Variants in COL18A1 observed in about 807,000 individuals in gnomAD.
COL18A1 encodes the protein collagen type XVIII alpha 1 chain, also known as collagen alpha-1(XVIII) chain.
In COL18A1, 133 loss-of-function variants were observed where a neutral mutation model predicts 168.0. That is an observed-to-expected ratio of 0.79 (90% confidence interval 0.69 to 0.91). The LOEUF (loss-of-function observed/expected upper bound fraction) is 0.91, where lower values mean the gene tolerates loss of function less well. Among genes scored for constraint, COL18A1 ranks in the 40% least tolerant of loss-of-function variants. COL18A1 has a pLI of 0.00. For synonymous variants in COL18A1, 949 were observed against 809.0 expected, an observed-to-expected ratio of 1.17 and a Z score of -2.94; for missense variants, 2,126 against 1,925.4, an observed-to-expected ratio of 1.10 and a Z score of -1.95.
intron 2 of COL18A1, among the ~76,000 whole-genome samples, chr21:45,441,805 C>G (rs965790869): frequency 6.6e-6 from 1 of 152,248 alleles, no homozygotes; most frequent in African/African-American, 2.4e-5. Context: ...CAGAAAATGT[C>G]CCATGTCCTT....
chr21:45,468,704 G>T lies in COL18A1; in HGVS notation c.569G>T (p.Arg190Leu). Residue 190 changes from arginine to leucine, a missense_variant, in exon 3 of 42, where the codon CGG (arginine) becomes CTG (leucine). By Grantham distance (102) the Arg-to-Leu change is moderately radical (BLOSUM62 -2). Transcript: ENST00000651438. ...GAGTTCCAGAGAATGCCGCTTGCTC[G>T]GTCCTCACGGGGCCTGGAGCTGGAG... ...CEEFQRMPLA[R>L]SSRGLELEPG... The T allele has an allele frequency of 6.2e-7, 1 of 1,613,156 alleles. No homozygotes were observed.
chr21:45,476,830 TTG>T (rs895335975), intron 6 of COL18A1, among the ~76,000 whole-genome samples: 41 of 150,856 alleles, frequency 2.7e-4, no homozygotes, highest in African/African-American at 9.3e-4. Flanking sequence ...GCAGTGCATG[TTG>T]TGTTGTATGT....
At chr21:45,474,803 G>GACGTGGACCCACAACCT (rs1568899770) in intron 4 of COL18A1, among the ~76,000 whole-genome samples, 1 of 146,948 alleles carries the variant, frequency 6.8e-6, no homozygotes, top group Non-Finnish European at 1.5e-5. Context: ...AGACACCGTG[G>GACGTGGACCCACAACCT]CTGGACTGTG....
At chr21:45,413,123 G>C (rs79852369) in intron 2 of COL18A1, among the ~76,000 whole-genome samples, 4,202 of 152,310 alleles carry the variant, frequency 0.028, 188 homozygotes, top group African/African-American at 0.094. Context: ...CTCTAGGGGG[G>C]ACGCCACAGT....
At chr21:45,456,980 C>T (rs748783988) in intron 2 of COL18A1, 122 of 982,506 alleles carry the variant, frequency 1.2e-4, no homozygotes, top group Admixed American at 1.8e-4. Context: ...CCCCCCACAT[C>T]GAATCTCTAC....
chr21:45,430,419 G>A (rs2033924283), intron 2 of COL18A1, among the ~76,000 whole-genome samples: 1 of 152,166 alleles, frequency 6.6e-6, no homozygotes, highest in Non-Finnish European at 1.5e-5. Flanking sequence ...CATGGCAGGA[G>A]GGGCCTGCCT....
Position 45,478,324 on chromosome 21 carries a change from CA to C in COL18A1, c.1222-2del. ...TCACTAATGGCTTCTCTTGCACACCCAGGGCGACCCCGGTGAAGACGGAAAG... is the reference window on the plus strand; with the variant it reads ...TCACTAATGGCTTCTCTTGCACACCCGGGCGACCCCGGTGAAGACGGAAAG... On this transcript the variant is annotated splice_acceptor_variant, in intron 8 of 41. Transcript: ENST00000651438. LOFTEE classifies it high-confidence loss of function. The C allele has an allele frequency of 6.2e-7, 1 of 1,613,880 alleles. No homozygotes were observed. The highest frequency in any genetic ancestry group is 1.1e-5 in the South Asian group (1 of 91,064).
At chr21:45,495,204 G>C (rs2036488652) in intron 28 of COL18A1, 154 bp from the exon 29 acceptor site, 3 of 710,660 alleles carry the variant, frequency 4.2e-6, no homozygotes, top group Middle Eastern at 3.0e-4. Flanking sequence ...CAGGAAAGGG[G>C]TGAGAAGGGC....
intron 32 of COL18A1, among the ~76,000 whole-genome samples, chr21:45,501,573 G>A (rs532861254): frequency 1.3e-5 from 2 of 152,242 alleles, no homozygotes; most frequent in Non-Finnish European, 2.9e-5. Context: ...GCTTAGGTGC[G>A]TCCAGGGCAT....
intron 2 of COL18A1, among the ~76,000 whole-genome samples, chr21:45,415,505 C>T (rs1049837282): frequency 4.6e-5 from 7 of 152,196 alleles, no homozygotes; most frequent in Non-Finnish European, 7.3e-5. Flanking sequence ...CAGGACCATG[C>T]GCAGGGGCGG....
chr21:45,487,296 G>T (rs960259941), intron 16 of COL18A1, 151 bp from the exon 17 acceptor site: 17 of 948,844 alleles, frequency 1.8e-5, no homozygotes, highest in African/African-American at 3.2e-5. Flanking sequence ...CCTGCCACCA[G>T]GTAGACAGTC....
In COL18A1 at chr21:45,505,126, G is replaced by T. The variant is rs770714794; in HGVS notation, c.2869-8G>T. The T allele has an allele frequency of 1.3e-4, 205 of 1,607,434 alleles. 1 individual carries two copies. The highest frequency in any genetic ancestry group is 1.6e-4 in the Non-Finnish European group (187 of 1,178,436). ...TAACCAGGAAGCGTCTCTTGTCGCC[G>T]TCCGTAGGGTCCCAAGGGAGAGAGC... is the stretch of plus-strand genomic sequence containing the variant. On this transcript the variant is annotated splice_region_variant and splice_polypyrimidine_tract_variant and intron_variant, in intron 34 of 41. Coordinates refer to ENST00000651438, the MANE Select transcript of COL18A1 (RefSeq NM_001379500.1).
rs1331956857 is a variant in COL18A1, at chr21:45,471,975, C to G, written c.652-1920C>G. On this transcript the variant is annotated intron_variant, in intron 3 of 41. Coordinates refer to ENST00000651438, the MANE Select transcript of COL18A1 (RefSeq NM_001379500.1). This position sits in a 1 kb window ranked among gnomAD's most constrained non-coding sequence, Gnocchi z 4.4. ...AGCGGCCACCACGGGCTCAGAGCTT[C>G]TCTGCCCTCTGTAGTCGCCCCCCAC... 6.6e-6 allele frequency among the ~76,000 whole-genome samples: 1 copy of G among 152,156 alleles called. No homozygotes were observed. Among genetic ancestry groups the G allele is most frequent in the Non-Finnish European group, 1.5e-5 (1 of 68,008 alleles).
intron 19 of COL18A1, among the ~76,000 whole-genome samples, chr21:45,490,003 C>T (rs1282348747): frequency 1.0e-4 from 1 of 9,990 alleles, no homozygotes; most frequent in African/African-American, 5.7e-4. Context: ...CCGTCCCCCA[C>T]ACCTCCTCCC....
chr21:45,419,331 A>C (rs563369914), intron 2 of COL18A1, among the ~76,000 whole-genome samples: 1 of 151,108 alleles, frequency 6.6e-6, no homozygotes, highest in South Asian at 2.1e-4. Context: ...GTGTAGTTAC[A>C]TGATGCTGTG....
intron 2 of COL18A1, among the ~76,000 whole-genome samples, chr21:45,449,709 G>A (rs1215470159): frequency 2.6e-5 from 4 of 152,276 alleles, no homozygotes; most frequent in African/African-American, 9.6e-5. Flanking sequence ...TGCCCTCCAG[G>A]GACCTGGACC....
intron 2 of COL18A1, among the ~76,000 whole-genome samples, chr21:45,428,427 A>G (rs565608150): frequency 2.6e-5 from 4 of 152,182 alleles, no homozygotes; most frequent in Non-Finnish European, 5.9e-5. Flanking sequence ...GGCATTTTCC[A>G]TCTTTTGAAG....
intron 9 of COL18A1, among the ~76,000 whole-genome samples, chr21:45,478,573 A>G (rs988301915): frequency 6.6e-6 from 1 of 152,166 alleles, no homozygotes; most frequent in Non-Finnish European, 1.5e-5. Flanking sequence ...CACAACTACC[A>G]TGAAGAAGGA....
chr21:45,458,945 C>T (rs1473123854), intron 2 of COL18A1, among the ~76,000 whole-genome samples: 2 of 152,184 alleles, frequency 1.3e-5, no homozygotes, highest in African/African-American at 2.4e-5. Flanking sequence ...GCTGTGAGGG[C>T]GAGGAATTTC....
Sources: gnomAD v4.1 joint callset for allele counts (sites outside exome capture counted in the v4.1 genomes callset) on GRCh38, gnomAD v4.1.1 for gene constraint, Gnocchi (gnomAD v3.1) non-coding constraint, MANE v1.5 for transcripts, NCBI Gene and HGNC (gene_info 2026-07-23, HGNC 2026-07-21) for gene names.